CEP131: variants seen among roughly 807,000 people sequenced by gnomAD.
CEP131 encodes centrosomal protein 131, also known as centrosomal protein of 131 kDa.
In CEP131, 99 loss-of-function variants were observed where a neutral mutation model predicts 136.8. That is an observed-to-expected ratio of 0.72 (90% CI 0.62 to 0.86). The LOEUF (loss-of-function observed/expected upper bound fraction) is 0.86, where lower values mean the gene tolerates loss of function less well. Among genes scored for constraint, CEP131 ranks in the 40% least tolerant of loss-of-function variants. The pLI is 0.00. For synonymous variants in CEP131, 646 were observed against 612.7 expected, an observed-to-expected ratio of 1.05 and a Z score of -0.80; for missense variants, 1,459 against 1,463.0, an observed-to-expected ratio of 1.00 and a Z score of 0.04.
rs1411261117 is a variant in CEP131 at position 81,190,757 on chromosome 17, T to C, written c.2989A>G (p.Ile997Val). The change falls in exon 24 of 26, where the codon ATC becomes GTC. Residue 997 changes from isoleucine to valine, a missense_variant. Ile to Val is a conservative substitution (Grantham distance 29). Around this residue, in one of 3 missense-constraint regions of CEP131, gnomAD observed 1,026 missense variants for 964.2 expected, o/e 1.06. Transcript: ENST00000450824. Reference protein sequence around the residue: ...SSERSNLAQVIRQEFEDRLAA... With the variant: ...SSERSNLAQVVRQEFEDRLAA... ...AGCCGGTCCTCGAACTCCTGGCGGA[T>C]CACCTGGGCCAGGTTGCTGCGCTCG... is the stretch of plus-strand genomic sequence containing the variant. The C allele has an allele frequency of 4.3e-6, 7 of 1,611,950 alleles. No individual in the cohort carries two copies. The Admixed American group carries it at 1.2e-4, about 27-fold the overall frequency.
At chr17:81,190,523 GTC>G (rs2061613859) in intron 24 of CEP131, 114 bp downstream of exon 24, 2 of 1,310,688 alleles carry the variant, frequency 1.5e-6, no homozygotes, top group African/African-American at 3.0e-5. Flanking sequence ...ACAGGGCCCT[GTC>G]TCTGCATCTC....
At chr17:81,209,561 GCAAGGA>G in intron 2 of CEP131, among the ~76,000 whole-genome samples, 1 of 106,612 alleles carries the variant, frequency 9.4e-6, no homozygotes, top group Non-Finnish European at 2.0e-5. Context: ...CAGACACTAA[GCAAGGA>G]TCAGAGCGCT....
At position 81,219,329 on chromosome 17, in the gene CEP131, C is replaced by CTA. The variant is rs1185216226; in HGVS notation, c.177+550_177+551insTA. On this transcript the variant is annotated intron_variant, in intron 2 of 25. Transcript: ENST00000450824. This position sits in a 1 kb window ranked among gnomAD's most constrained non-coding sequence, Gnocchi z 4.0. Reference sequence around the variant, plus strand: ...TTTTTTTTTGAGATGGCATCTCACTCTGTCGCCAGGCTGGAGTGCAACGGC... The same window carrying CTA: ...TTTTTTTTTGAGATGGCATCTCACTCTATGTCGCCAGGCTGGAGTGCAACGGC... Among the ~76,000 whole-genome samples, 3 of 142,920 alleles carry CTA rather than the reference C, an allele frequency of 2.1e-5. No homozygotes were observed. Among genetic ancestry groups the CTA allele is most frequent in the African/African-American group, 7.8e-5 (3 of 38,478 alleles). The allele number at this position is 142,920 out of a possible 152,430, so 93.8% of individuals were successfully genotyped here. A position where few individuals can be genotyped will look rare whatever the true frequency, so the allele number is the denominator to read the frequency against.
Position 81,219,267 on chromosome 17 carries a change from C to G in CEP131, c.177+613G>C, listed in dbSNP as rs1344265462. On this transcript the variant is annotated intron_variant, in intron 2 of 25. Coordinates refer to ENST00000450824, the MANE Select transcript of CEP131 (RefSeq NM_014984.4). This position sits in a 1 kb window ranked among gnomAD's most constrained non-coding sequence, Gnocchi z 4.0. The stretch of plus-strand genomic sequence containing the variant: ...TCCAAGGCCACCAGGAGCTCATCAC[C>G]CCTCCCCACAGGTCAACCCCATTTC... Among the ~76,000 whole-genome samples the G allele has an allele frequency of 6.6e-4, 1 of 1,514 alleles. No individual in the cohort carries two copies. Among genetic ancestry groups the G allele is most frequent in the East Asian group, 0.012 (1 of 84 alleles). The allele number at this position is 1,514 out of a possible 152,430, so 1.0% of individuals were successfully genotyped here.
chr17:81,219,778 A>G lies in CEP131; in HGVS notation c.177+102T>C. ...CGAGGATCCAGCATGTCCAGATGTG[A>G]GGCACTTGTTCACCTGTGGAGCTGG... On this transcript the variant is annotated intron_variant, in intron 2 of 25. Coordinates refer to ENST00000450824, the MANE Select transcript of CEP131 (RefSeq NM_014984.4). This position sits in a 1 kb window ranked among gnomAD's most constrained non-coding sequence, Gnocchi z 4.0. 3 of 1,257,562 alleles carry G rather than the reference A, an allele frequency of 2.4e-6. No individual in the cohort carries two copies. Among genetic ancestry groups the G allele is most frequent in the Non-Finnish European group, 3.2e-6 (3 of 932,212 alleles). The allele number at this position is 1,257,562 out of a possible 1,614,324, so 77.9% of individuals were successfully genotyped here.
intron 7 of CEP131, 138 bp downstream of exon 7, chr17:81,202,100 CAA>C (rs548272114): frequency 6.5e-4 from 254 of 392,386 alleles, no homozygotes; most frequent in East Asian, 1.2e-3. Context: ...GACTCTGTCT[CAA>C]AAAAAAAAAA....
chr17:81,211,018 T>C (rs8071210), intron 2 of CEP131, among the ~76,000 whole-genome samples: 73,835 of 152,056 alleles, frequency 0.49, 18,437 homozygotes, highest in African/African-American at 0.56. Context: ...GAGGCCACTG[T>C]GAGGTCTGGG....
intron 5 of CEP131, among the ~76,000 whole-genome samples, chr17:81,205,025 C>G (rs1334871762): frequency 6.6e-6 from 1 of 152,114 alleles, no homozygotes; most frequent in East Asian, 1.9e-4. Context: ...CTTTGGGAGG[C>G]TGAGGCGGGT....
Position 81,191,097 on chromosome 17 carries a change from G to A in CEP131, c.2766-13C>T. On this transcript the variant is annotated splice_polypyrimidine_tract_variant and intron_variant, in intron 22 of 25. Transcript: ENST00000450824. ...TAAGCGCTTGATGCTGGAGGTGGGG[G>A]GAGGGCAGGGTCACTCCAGCCCAGT... is the stretch of plus-strand genomic sequence containing the variant. The A allele has an allele frequency of 6.9e-6, 11 of 1,599,244 alleles. No homozygotes were observed. Among genetic ancestry groups the A allele is most frequent in the Non-Finnish European group, 8.5e-6 (10 of 1,171,560 alleles).
At position 81,203,655 on chromosome 17, in the gene CEP131, C is replaced by T. The variant is rs368089821; in HGVS notation, c.516-48G>A. On this transcript the variant is annotated intron_variant, in intron 5 of 25. Coordinates refer to ENST00000450824, the MANE Select transcript of CEP131 (RefSeq NM_014984.4). This position sits in a 1 kb window ranked among gnomAD's most constrained non-coding sequence, Gnocchi z 4.6. The stretch of plus-strand genomic sequence containing the variant: ...GGAATGGTCAGGCCTCTGGAGGGGA[C>T]GCCTGAGATCTCAGAGCTACACTCG... 11 of 1,429,236 alleles carry T rather than the reference C, an allele frequency of 7.7e-6. No homozygotes were observed. The highest frequency in any genetic ancestry group is 7.1e-5 in the African/African-American group (5 of 70,870). The allele number at this position is 1,429,236 out of a possible 1,614,324, so 88.5% of individuals were successfully genotyped here. A position where few individuals can be genotyped will look rare whatever the true frequency, so the allele number is the denominator to read the frequency against.
intron 7 of CEP131, among the ~76,000 whole-genome samples, chr17:81,201,351 G>A (rs2061886544): frequency 6.6e-6 from 1 of 152,138 alleles, no homozygotes; most frequent in African/African-American, 2.4e-5. Context: ...AGGCAGGGAG[G>A]TACCCCCGCG....
intron 6 of CEP131, 95 bp from the exon 7 acceptor site, chr17:81,202,493 G>GTC (rs2061915354): frequency 7.0e-7 from 1 of 1,433,684 alleles, no homozygotes; most frequent in Non-Finnish European, 9.4e-7. Context: ...TCCCAGGACT[G>GTC]AGCCTGGAAG....
chr17:81,216,723 T>C (rs1010324080), intron 2 of CEP131, among the ~76,000 whole-genome samples: 4 of 152,208 alleles, frequency 2.6e-5, no homozygotes, highest in African/African-American at 9.7e-5. Flanking sequence ...TGAGCCCCCT[T>C]TTCCCAAATG....
At chr17:81,214,669 G>A (rs114688465) in intron 2 of CEP131, among the ~76,000 whole-genome samples, 4,557 of 152,284 alleles carry the variant, frequency 0.03, 88 homozygotes, top group African/African-American at 0.062. Context: ...TGTGCTGCAC[G>A]TGTGCCAACC....
At position 81,199,707 on chromosome 17, in the gene CEP131, C is replaced by A. The variant is rs570725716; in HGVS notation, c.1023+12G>T. ...CCACGGTGCTGCTCAGTGGTCCCTG[C>A]GCGGTCAGCACCTGAATGGCTGCTC... On this transcript the variant is annotated intron_variant, in intron 9 of 25. Transcript: ENST00000450824. The A allele has an allele frequency of 1.9e-6, 3 of 1,606,588 alleles. No individual in the cohort carries two copies. The South Asian group carries it at 3.3e-5, about 18-fold the overall frequency.
chr17:81,192,685 G>GGGGGGGGGCGCCGCC, intron 19 of CEP131, 51 bp downstream of exon 19: 1 of 478,438 alleles, frequency 2.1e-6, no homozygotes, highest in Non-Finnish European at 4.1e-6. Flanking sequence ...GGGGGGAGGG[G>GGGGGGGGGCGCCGCC]TCAGCCAGCG....
intron 7 of CEP131, among the ~76,000 whole-genome samples, chr17:81,201,557 A>G (rs1280855681): frequency 1.3e-5 from 2 of 152,186 alleles, no homozygotes; most frequent in African/African-American, 4.8e-5. Flanking sequence ...TGTTGTTTTA[A>G]TTAACAGTTT....
chr17:81,196,807 G>C lies in CEP131; in HGVS notation c.1793C>G (p.Thr598Arg). 6.3e-7 allele frequency: 1 copy of C among 1,592,410 alleles called. No homozygotes were observed. Among genetic ancestry groups the C allele is most frequent in the Non-Finnish European group, 8.5e-7 (1 of 1,170,950 alleles). The change falls in exon 15 of 26, where the codon ACG (threonine) becomes AGG (arginine). Residue 598 changes from threonine to arginine, a missense_variant. This residue lies in a region of CEP131 where 1,026 missense variants were observed against 964.2 expected (regional missense o/e 1.06). Coordinates refer to ENST00000450824, the MANE Select transcript of CEP131 (RefSeq NM_014984.4). ...QRALAQQRDLTARRVKETEKA... is the reference protein window; with the variant it reads ...QRALAQQRDLRARRVKETEKA... ...CTCTGTCTCCTTGACCCGCCGGGCC[G>C]TGAGGTCTCGCTGCTGCGCCTGCAG...
chr17:81,191,176 C>T lies in CEP131; in HGVS notation c.2765+17G>A, dbSNP rs201870268. 2 of 1,610,078 alleles carry T rather than the reference C, an allele frequency of 1.2e-6. No individual in the cohort carries two copies. The highest frequency in any genetic ancestry group is 1.7e-6 in the Non-Finnish European group (2 of 1,178,186). On this transcript the variant is annotated intron_variant, in intron 22 of 25. Transcript: ENST00000450824. The stretch of plus-strand genomic sequence containing the variant: ...TGGGCCTCCCCAGCTGGTGACCCAG[C>T]CATGGCGGGTCCTTACCGGCTCTCG...
Sources: allele counts gnomAD v4.1 joint callset (sites outside exome capture counted in the v4.1 genomes callset), GRCh38; gene constraint gnomAD v4.1.1; regional missense constraint gnomAD v4.1.1; non-coding constraint Gnocchi (gnomAD v3.1); transcripts MANE v1.5; gene names NCBI Gene and HGNC (gene_info 2026-07-23, HGNC 2026-07-21).